The following JARID2 variants were observed in gnomAD, a reference collection of about 807,000 sequenced individuals.
JARID2 encodes protein Jumonji.
JARID2 carries 21 observed loss-of-function variants against 125.6 expected under a neutral mutation model. The observed-to-expected ratio is 0.17, with a 90% confidence interval of 0.12 to 0.24. The LOEUF is 0.24. Ranked by LOEUF, JARID2 falls within the 10% of genes least tolerant of loss-of-function variation. The probability of loss-of-function intolerance (pLI) is 1.00; values close to 1 mark genes in which losing one functional copy is unlikely to be tolerated. For missense variants in JARID2, 1,303 were observed against 1,639.6 expected, an observed-to-expected ratio of 0.79 and a Z score of 3.55; for synonymous variants, 736 against 661.6, an observed-to-expected ratio of 1.11 and a Z score of -1.73.
intron 1 of JARID2, among the ~76,000 whole-genome samples, chr6:15,345,376 G>A (rs1481976672): frequency 2.6e-5 from 4 of 152,126 alleles, no homozygotes; most frequent in Non-Finnish European, 5.9e-5. Context: ...TGTCAATTAC[G>A]AGTTGCACCT....
chr6:15,423,547 C>A (rs1030623792), intron 3 of JARID2, among the ~76,000 whole-genome samples: 1 of 152,070 alleles, frequency 6.6e-6, no homozygotes, highest in Non-Finnish European at 1.5e-5. Context: ...ATTTTAAGTT[C>A]ACTTTTATGG....
At chr6:15,498,836 G>T (rs570104144) in intron 7 of JARID2, among the ~76,000 whole-genome samples, 28 of 152,298 alleles carry the variant, frequency 1.8e-4, no homozygotes, top group African/African-American at 6.7e-4. Context: ...CGCTGACCAC[G>T]CCCCATGACT....
intron 3 of JARID2, among the ~76,000 whole-genome samples, chr6:15,441,899 C>G (rs1349860189): frequency 1.3e-5 from 2 of 152,048 alleles, no homozygotes; most frequent in African/African-American, 2.4e-5. Context: ...TCAAGTGATT[C>G]TCCTGCCTCA....
chr6:15,414,471 C>T (rs571385217), intron 3 of JARID2, among the ~76,000 whole-genome samples: 2 of 152,198 alleles, frequency 1.3e-5, no homozygotes, highest in East Asian at 3.9e-4. Flanking sequence ...TTTGGAGTTT[C>T]CTCAAATTTC....
At chr6:15,400,773 G>A (rs890578936) in intron 2 of JARID2, 18 of 984,616 alleles carry the variant, frequency 1.8e-5, no homozygotes, top group Admixed American at 1.2e-4. Context: ...CCTCCCCCTC[G>A]GCCCCATTGC....
At chr6:15,430,130 T>G (rs1766907887) in intron 3 of JARID2, among the ~76,000 whole-genome samples, 1 of 152,254 alleles carries the variant, frequency 6.6e-6, no homozygotes, top group East Asian at 1.9e-4. Context: ...ATTTAACCTC[T>G]GCATCTATGT....
intron 1 of JARID2, among the ~76,000 whole-genome samples, chr6:15,345,387 C>T (rs1178548970): frequency 6.6e-6 from 1 of 152,194 alleles, no homozygotes; most frequent in East Asian, 1.9e-4. Context: ...AGTTGCACCT[C>T]AGCTAGAGAA....
intron 1 of JARID2, among the ~76,000 whole-genome samples, chr6:15,361,892 CTTT>C (rs58352410): frequency 3.0e-4 from 36 of 121,166 alleles, no homozygotes; most frequent in African/African-American, 8.4e-4. Flanking sequence ...TGGGAGCCCC[CTTT>C]TTTTTTTTTT....
At position 15,358,788 on chromosome 6, in the gene JARID2, G is replaced by A. The variant is rs148227527; in HGVS notation, c.46-15329G>A. ...CAGTTAGTTACTAAGCTTTTAACGC[G>A]TACCAGTCTTGATGTTAAGGAGTTG... On this transcript the variant is annotated intron_variant, in intron 1 of 17. Coordinates refer to ENST00000341776, the MANE Select transcript of JARID2 (RefSeq NM_004973.4). 2.6e-3 allele frequency among the ~76,000 whole-genome samples: 403 copies of A among 152,280 alleles called. 3 individuals are homozygous for A. Among genetic ancestry groups the A allele is most frequent in the African/African-American group, 8.8e-3 (367 of 41,552 alleles).
intron 17 of JARID2, 47 bp downstream of exon 17, chr6:15,517,315 T>C (rs753201094): frequency 7.5e-7 from 1 of 1,336,308 alleles, no homozygotes; most frequent in Non-Finnish European, 1.1e-6. Flanking sequence ...CGTGGCGCCT[T>C]CCCTGCTCCC....
chr6:15,300,213 C>T (rs1208265980), intron 1 of JARID2, among the ~76,000 whole-genome samples: 1 of 152,154 alleles, frequency 6.6e-6, no homozygotes, highest in African/African-American at 2.4e-5. Context: ...GTGTTCTGTC[C>T]TGTTTTTAAT....
intron 1 of JARID2, among the ~76,000 whole-genome samples, chr6:15,276,330 A>G (rs929166270): frequency 1.3e-5 from 2 of 152,220 alleles, no homozygotes; most frequent in Admixed American, 1.3e-4. Context: ...AGCATTCTAC[A>G]TGGCGTGGGA....
intron 4 of JARID2, among the ~76,000 whole-genome samples, chr6:15,465,389 T>A (rs1768668296): frequency 6.6e-6 from 1 of 152,198 alleles, no homozygotes; most frequent in African/African-American, 2.4e-5. Flanking sequence ...AGGTCGAGGC[T>A]GTAGTGAGTC....
intron 1 of JARID2, among the ~76,000 whole-genome samples, chr6:15,269,890 A>G (rs1187255509): frequency 1.3e-5 from 2 of 152,216 alleles, no homozygotes; most frequent in East Asian, 3.8e-4. Flanking sequence ...CATGGTCTCA[A>G]GTTGAGTTTT....
At chr6:15,307,113 G>T (rs1056288048) in intron 1 of JARID2, among the ~76,000 whole-genome samples, 7 of 151,810 alleles carry the variant, frequency 4.6e-5, no homozygotes, top group Non-Finnish European at 1.0e-4. Flanking sequence ...GTGGTGGCAG[G>T]CGCCTGTAGT....
At chr6:15,448,677 G>A (rs1052393688) in intron 3 of JARID2, among the ~76,000 whole-genome samples, 6 of 152,176 alleles carry the variant, frequency 3.9e-5, no homozygotes, top group African/African-American at 1.4e-4. Flanking sequence ...TGGGAGGTTG[G>A]TGGGAAGGAA....
intron 3 of JARID2, among the ~76,000 whole-genome samples, chr6:15,443,975 A>G (rs935240529): frequency 6.6e-6 from 1 of 152,230 alleles, no homozygotes; most frequent in Admixed American, 6.5e-5. Flanking sequence ...GGCTATGGCA[A>G]ATGTTTATTC....
At chr6:15,306,800 A>G (rs1238461612) in intron 1 of JARID2, among the ~76,000 whole-genome samples, 1 of 151,378 alleles carries the variant, frequency 6.6e-6, no homozygotes, top group East Asian at 1.9e-4. Flanking sequence ...AGTGGAGTGA[A>G]GGAAAATGGA....
At position 15,500,895 on chromosome 6, in the gene JARID2, TCGC is replaced by T; in HGVS notation, c.1946-11_1946-9del. 11 of 1,578,978 alleles carry T rather than the reference TCGC, an allele frequency of 7.0e-6. No homozygotes were observed. The Admixed American group carries it at 7.2e-5, about 10-fold the overall frequency. ...ACTAACTGTCCCGTTTTTTTCCCCT[TCGC>T]TGTCCCAGGGGGCTGTGAGCTCGAC... On this transcript the variant is annotated splice_polypyrimidine_tract_variant and intron_variant, in intron 7 of 17. Coordinates refer to ENST00000341776, the MANE Select transcript of JARID2 (RefSeq NM_004973.4).
Sources: allele counts gnomAD v4.1 joint callset (sites outside exome capture counted in the v4.1 genomes callset), GRCh38; gene constraint gnomAD v4.1.1; transcripts MANE v1.5; gene names NCBI Gene and HGNC (gene_info 2026-07-23, HGNC 2026-07-21).